FGD6: variants seen among roughly 807,000 people sequenced by gnomAD.
FGD6 encodes FYVE, RhoGEF and PH domain-containing protein 6.
Under a neutral mutation model 149.4 loss-of-function variants are expected in FGD6, and 90 were observed. That is an observed-to-expected ratio of 0.60 (90% CI 0.51 to 0.72). FGD6 has a LOEUF of 0.72. FGD6 is among the 30% of genes least tolerant of loss of function. The pLI is 0.00. For synonymous variants in FGD6, 527 were observed against 584.0 expected (o/e 0.90, Z 1.41); for missense variants, 1,437 against 1,684.8 (o/e 0.85, Z 2.57).
rs761812296 is a variant in FGD6, at chr12:95,208,992, T to C, written c.2292A>G (p.Pro764=). 7 of 1,614,028 alleles carry C rather than the reference T, an allele frequency of 4.3e-6. No homozygotes were observed. The South Asian group carries it at 6.6e-5, about 15-fold the overall frequency. ...YEEIPEYENL[P]FIMAIRKTQE... ...GAGTTTTCCGTATAGCCATAATAAA[T>C]GGCAAGTTCTCGTACTCTGGTATTT... Residue 764 remains proline (P), a synonymous_variant, in exon 2 of 21, where the codon CCA becomes CCG. Transcript: ENST00000343958.
chr12:95,155,527 TCAAAACAAAA>T (rs1021508839), intron 3 of FGD6, among the ~76,000 whole-genome samples: 1 of 152,060 alleles, frequency 6.6e-6, no homozygotes, highest in Non-Finnish European at 1.5e-5. Flanking sequence ...AAACTCTGTC[TCAAAACAAAA>T]CAAAACAAAA....
At chr12:95,196,085 C>T (rs1881729485) in intron 2 of FGD6, among the ~76,000 whole-genome samples, 1 of 152,050 alleles carries the variant, frequency 6.6e-6, no homozygotes, top group Non-Finnish European at 1.5e-5. Context: ...CACGCTGCTG[C>T]ACTCCAGCCT....
chr12:95,086,104 G>T (rs970227284), intron 18 of FGD6, among the ~76,000 whole-genome samples, 196 bp from the exon 19 acceptor site: 1 of 152,228 alleles, frequency 6.6e-6, no homozygotes, highest in African/African-American at 2.4e-5. Flanking sequence ...AACCATGTTA[G>T]AGGCAATTAT....
rs2056723079 is a variant in FGD6 at position 95,210,939 on chromosome 12, C to T, written c.345G>A (p.Glu115=). ...YISPMCSCSS[E]CIHKLGHREN... is the part of the protein sequence containing the mutation. ...CTCTATGGCCCAGCTTATGGATACA[C>T]TCAGAACTGCAGGAACACATTGGTG... The change falls in exon 2 of 21, where the codon GAG becomes GAA. Residue 115 remains glutamate, a synonymous_variant. Transcript: ENST00000343958. 2 of 1,614,216 alleles carry T rather than the reference C, an allele frequency of 1.2e-6. No individual in the cohort carries two copies. The highest frequency in any genetic ancestry group is 1.6e-4 in the Middle Eastern group (1 of 6,062).
chr12:95,126,180 A>C, intron 8 of FGD6: 1 of 1,113,306 alleles, frequency 9.0e-7, no homozygotes, highest in Non-Finnish European at 1.4e-6. Context: ...AGCTTCTCTC[A>C]AAAAAGCACC....
chr12:95,100,242 C>A (rs891385947), intron 14 of FGD6, among the ~76,000 whole-genome samples: 2 of 152,182 alleles, frequency 1.3e-5, no homozygotes, highest in Non-Finnish European at 2.9e-5. Context: ...GGATTGCACA[C>A]CCCCAGCTCC....
chr12:95,096,925 C>G (rs1262368055), intron 14 of FGD6, among the ~76,000 whole-genome samples: 3 of 152,190 alleles, frequency 2.0e-5, no homozygotes, highest in Non-Finnish European at 4.4e-5. Context: ...CTCCCCGGCT[C>G]CTCACCAGAA....
At chr12:95,184,487 C>T (rs566058757) in intron 2 of FGD6, among the ~76,000 whole-genome samples, 2 of 152,228 alleles carry the variant, frequency 1.3e-5, no homozygotes, top group East Asian at 1.9e-4. Flanking sequence ...CATCAATAAC[C>T]CCCCAAAACC....
chr12:95,106,912 CAAAACAAAACAA>C lies in FGD6; in HGVS notation c.3417+30_3417+41del, dbSNP rs754354316. The stretch of plus-strand genomic sequence containing the variant: ...CCGTCTCAAACAAAACAAAACAAAA[CAAAACAAAACAA>C]AAAACAAAACATCTAACAGATGCAC... On this transcript the variant is annotated intron_variant, in intron 13 of 20. Coordinates refer to ENST00000343958, the MANE Select transcript of FGD6 (RefSeq NM_018351.4). 428 of 1,376,724 alleles carry C rather than the reference CAAAACAAAACAA, an allele frequency of 3.1e-4. 8 individuals carry two copies. The highest frequency in any genetic ancestry group is 1.2e-3 in the African/African-American group (42 of 34,206). The allele number at this position is 1,376,724 out of a possible 1,614,324, so 85.3% of individuals were successfully genotyped here.
chr12:95,098,709 C>T (rs1398784433), intron 14 of FGD6, among the ~76,000 whole-genome samples: 2 of 152,082 alleles, frequency 1.3e-5, no homozygotes, highest in African/African-American at 4.8e-5. Context: ...GCCCTCTCTC[C>T]CCCATTGCAG....
intron 18 of FGD6, among the ~76,000 whole-genome samples, chr12:95,088,749 C>T (rs1277209986): frequency 6.6e-6 from 1 of 152,168 alleles, no homozygotes; most frequent in Non-Finnish European, 1.5e-5. Flanking sequence ...TCAGACATAA[C>T]AAGAAACGAA....
At chr12:95,095,356 C>T (rs1404100988) in intron 14 of FGD6, among the ~76,000 whole-genome samples, 4 of 150,190 alleles carry the variant, frequency 2.7e-5, no homozygotes, top group Non-Finnish European at 5.9e-5. Context: ...TAGGGGCAAA[C>T]TTGGTCAGAC....
chr12:95,111,652 A>G (rs1878826687), intron 9 of FGD6, among the ~76,000 whole-genome samples: 1 of 151,964 alleles, frequency 6.6e-6, no homozygotes, highest in African/African-American at 2.4e-5. Flanking sequence ...CTGTCATCCA[A>G]ATAATTCTGT....
Position 95,134,781 on chromosome 12 carries a change from T to C in FGD6, c.3040A>G (p.Lys1014Glu). The change falls in exon 8 of 21, where the codon AAG becomes GAG. Residue 1014 changes from lysine (K) to glutamate (E), a missense_variant. Physicochemically the swap from Lys to Glu is moderately conservative, Grantham distance 56. Transcript: ENST00000343958. Reference protein sequence around the residue: ...ANLALKHYLLKPVQRIPQYRL... With the variant: ...ANLALKHYLLEPVQRIPQYRL... ...TACTGGGGGATCCTCTGAACCGGCT[T>C]GAGCAGGTAGTGCTTGAGGGCCAGA... is the stretch of plus-strand genomic sequence containing the variant. 1.2e-6 allele frequency: 2 copies of C among 1,613,916 alleles called. No homozygotes were observed. Among genetic ancestry groups the C allele is most frequent in the Non-Finnish European group, 1.7e-6 (2 of 1,179,940 alleles).
Position 95,211,153 on chromosome 12 carries a change from G to T in FGD6, c.131C>A (p.Ser44Ter), listed in dbSNP as rs1366577335. 6.2e-7 allele frequency: 1 copy of T among 1,613,980 alleles called. No homozygotes were observed. Among genetic ancestry groups the T allele is most frequent in the African/African-American group, 1.3e-5 (1 of 74,900 alleles). Reference protein sequence around the residue: ...PDIVISSVPQSTKKMKPAIAP... With the variant: ...PDIVISSVPQ Reference sequence around the variant, plus strand: ...TATTGCTGGTTTCATTTTCTTTGTCGACTGTGGAACACTAGAAATCACAAT... The same window carrying T: ...TATTGCTGGTTTCATTTTCTTTGTCTACTGTGGAACACTAGAAATCACAAT... Residue 44 changes from serine to a stop codon, truncating the protein, a stop_gained, in exon 2 of 21, where the codon TCG becomes TAG. Coordinates refer to ENST00000343958, the MANE Select transcript of FGD6 (RefSeq NM_018351.4). LOFTEE classifies it high-confidence loss of function.
intron 2 of FGD6, among the ~76,000 whole-genome samples, chr12:95,208,543 A>T (rs10777675): frequency 0.53 from 80,217 of 151,920 alleles, 21,349 homozygotes; most frequent in Admixed American, 0.58. Context: ...ATGACTTCTG[A>T]GCTGGTGTCT....
intron 2 of FGD6, among the ~76,000 whole-genome samples, chr12:95,199,287 T>C (rs1293115197): frequency 6.6e-6 from 1 of 152,142 alleles, no homozygotes; most frequent in African/African-American, 2.4e-5. Context: ...TTATAATGAT[T>C]CCTTTAGTTC....
intron 14 of FGD6, among the ~76,000 whole-genome samples, chr12:95,098,350 C>T (rs1037955260): frequency 9.9e-5 from 15 of 152,110 alleles, no homozygotes; most frequent in African/African-American, 3.4e-4. Flanking sequence ...ATGCAGCAGC[C>T]GGATACTCTT....
At chr12:95,091,894 C>A in intron 16 of FGD6, 85 bp from the exon 17 acceptor site, 1 of 1,027,146 alleles carries the variant, frequency 9.7e-7, no homozygotes, top group Non-Finnish European at 1.4e-6. Flanking sequence ...ATTTACAGTG[C>A]TATCCACTTT....
Sources: allele counts gnomAD v4.1 joint callset (sites outside exome capture counted in the v4.1 genomes callset), GRCh38; gene constraint gnomAD v4.1.1; transcripts MANE v1.5; gene names NCBI Gene and HGNC (gene_info 2026-07-23, HGNC 2026-07-21).